Variants in KANSL1L observed in about 807,000 individuals in gnomAD.
KANSL1L encodes the protein KAT8 regulatory NSL complex subunit 1 like.
A neutral mutation model predicts 108.6 loss-of-function variants in KANSL1L; 25 were observed. That is an observed-to-expected ratio of 0.23 (90% confidence interval 0.17 to 0.32). The LOEUF is 0.32. Among genes scored for constraint, KANSL1L ranks in the 10% least tolerant of loss-of-function variants. KANSL1L has a pLI of 1.00. For synonymous variants in KANSL1L, 405 were observed against 395.1 expected (o/e 1.03, Z -0.30); for missense variants, 1,137 against 1,125.7 (o/e 1.01, Z -0.14).
In KANSL1L at chr2:210,154,555, C is replaced by A; in HGVS notation, c.28G>T (p.Ala10Ser). 6.5e-7 allele frequency: 1 copy of A among 1,543,346 alleles called. No homozygotes were observed. Among genetic ancestry groups the A allele is most frequent in the Non-Finnish European group, 8.7e-7 (1 of 1,144,928 alleles). Residue 10 changes from alanine to serine, a missense_variant, in exon 2 of 15, where the codon GCA becomes TCA. By Grantham distance (99) the Ala-to-Ser change is moderately conservative. This residue lies in a region of KANSL1L where 556 missense variants were observed against 537.7 expected (regional missense o/e 1.03). Coordinates refer to ENST00000281772, the MANE Select transcript of KANSL1L (RefSeq NM_152519.4). The stretch of plus-strand genomic sequence containing the variant: ...AAAGATGAAAAGCTGATACCCTTTG[C>A]TGTTGCCTCCCTCAGAGCTGGGGTC... MTPALREAT[A>S]KGISFSSLPS...
At chr2:210,157,399 A>G (rs1173981737) in intron 1 of KANSL1L, among the ~76,000 whole-genome samples, 2 of 152,156 alleles carry the variant, frequency 1.3e-5, no homozygotes, top group Non-Finnish European at 2.9e-5. Flanking sequence ...GCTAAATATA[A>G]CAAGTAGAGA....
rs1575337779 is a variant in KANSL1L at position 210,022,866 on chromosome 2, T to C, written c.*83A>G. On this transcript the variant is annotated 3_prime_UTR_variant, in exon 15 of 15. Transcript: ENST00000281772. ...ATACATGCAGAACATGCTCTTATTCTGGAGGGGATGGGGGATCCAGAACAG... is the reference window on the plus strand; with the variant it reads ...ATACATGCAGAACATGCTCTTATTCCGGAGGGGATGGGGGATCCAGAACAG... 4.5e-6 allele frequency: 4 copies of C among 889,300 alleles called. No individual in the cohort carries two copies. The highest frequency in any genetic ancestry group is 7.2e-6 in the Non-Finnish European group (4 of 553,252). The allele number at this position is 889,300 out of a possible 1,614,324, so 55.1% of individuals were successfully genotyped here.
At chr2:210,088,446 T>C (rs1559546670) in intron 5 of KANSL1L, 1 of 152,258 alleles carries the variant, frequency 6.6e-6, no homozygotes, top group Non-Finnish European at 1.5e-5. Flanking sequence ...GAATCCAAGA[T>C]TGAAAACAGA....
chr2:210,108,777 C>T (rs915523910), intron 3 of KANSL1L, among the ~76,000 whole-genome samples: 3 of 152,168 alleles, frequency 2.0e-5, no homozygotes, highest in African/African-American at 4.8e-5. Context: ...TCAGGAAACA[C>T]TTAGTGAATG....
At chr2:210,170,324 G>A (rs1027236394) in intron 1 of KANSL1L, 2 of 980,854 alleles carry the variant, frequency 2.0e-6, no homozygotes, top group Middle Eastern at 5.2e-4. Flanking sequence ...AATCAAAAAC[G>A]GAATGTGCTT....
intron 5 of KANSL1L, among the ~76,000 whole-genome samples, chr2:210,087,309 A>G (rs1176066130): frequency 2.0e-5 from 3 of 152,004 alleles, no homozygotes; most frequent in African/African-American, 7.3e-5. Context: ...ATGAGCCATC[A>G]TGCCTGGCCA....
intron 1 of KANSL1L, among the ~76,000 whole-genome samples, chr2:210,166,049 A>G (rs550369108): frequency 1.3e-5 from 2 of 152,316 alleles, no homozygotes; most frequent in African/African-American, 4.8e-5. Context: ...AGGGTTAAGT[A>G]CTGTCTGCGA....
At chr2:210,151,726 C>T (rs1414819519) in intron 2 of KANSL1L, 1 of 152,130 alleles carries the variant, frequency 6.6e-6, no homozygotes, top group Non-Finnish European at 1.5e-5. Context: ...AATGAGATAT[C>T]ATATGTTAAA....
At chr2:210,167,874 A>G (rs1218986903) in intron 1 of KANSL1L, among the ~76,000 whole-genome samples, 1 of 151,988 alleles carries the variant, frequency 6.6e-6, no homozygotes, top group Non-Finnish European at 1.5e-5. Context: ...GTTTAATAGT[A>G]CCGTTTTTAT....
chr2:210,097,199 CT>C, intron 5 of KANSL1L: 1 of 939,524 alleles, frequency 1.1e-6, no homozygotes, highest in Non-Finnish European at 1.3e-6. Flanking sequence ...CCCACCTCAG[CT>C]TTTTATTTTA....
chr2:210,116,292 T>C (rs895668320), intron 3 of KANSL1L, among the ~76,000 whole-genome samples: 2 of 152,094 alleles, frequency 1.3e-5, no homozygotes, highest in African/African-American at 4.8e-5. Flanking sequence ...AGTCCCAAGA[T>C]GGCATCTCTA....
intron 5 of KANSL1L, chr2:210,096,544 C>T: frequency 3.0e-6 from 3 of 984,236 alleles, no homozygotes; most frequent in African/African-American, 1.7e-5. Flanking sequence ...ATGTGTGTAA[C>T]TGTGTAGTAC....
At chr2:210,152,218 T>TAC (rs1274787154) in intron 2 of KANSL1L, 1 of 152,182 alleles carries the variant, frequency 6.6e-6, no homozygotes, top group Non-Finnish European at 1.5e-5. Flanking sequence ...ATGCTATATA[T>TAC]ACAAACAATA....
chr2:210,150,630 A>C (rs1462328017), intron 2 of KANSL1L, among the ~76,000 whole-genome samples: 1 of 151,902 alleles, frequency 6.6e-6, no homozygotes, highest in Non-Finnish European at 1.5e-5. Context: ...TAAAAATACA[A>C]AATTAGCTGG....
intron 8 of KANSL1L, chr2:210,032,705 C>T (rs192178872): frequency 1.8e-4 from 28 of 152,302 alleles, no homozygotes; most frequent in African/African-American, 6.7e-4. Flanking sequence ...TGTATAAATT[C>T]CCTTCCCATC....
At position 210,058,454 on chromosome 2, in the gene KANSL1L, T is replaced by C. The variant is rs531381427; in HGVS notation, c.1756-14350A>G. Among the ~76,000 whole-genome samples the C allele has an allele frequency of 5.3e-5, 8 of 152,260 alleles. No homozygotes were observed. The East Asian group carries it at 1.4e-3, about 26-fold the overall frequency. On this transcript the variant is annotated intron_variant, in intron 6 of 14. Coordinates refer to ENST00000281772, the MANE Select transcript of KANSL1L (RefSeq NM_152519.4). ...CCCTGCCTCCATTTGCCTTGTGATA[T>C]CTTATTAGCTTGTGAAGCATGTGAT... is the stretch of plus-strand genomic sequence containing the variant.
chr2:210,097,984 C>CA (rs2094754259), intron 5 of KANSL1L, 102 bp downstream of exon 5: 2 of 944,436 alleles, frequency 2.1e-6, no homozygotes, highest in Non-Finnish European at 3.0e-6. Flanking sequence ...CCCTAATGTA[C>CA]AAAAAAAGTA....
intron 7 of KANSL1L, among the ~76,000 whole-genome samples, chr2:210,042,988 C>T (rs958045091): frequency 1.3e-5 from 2 of 152,058 alleles, no homozygotes; most frequent in Admixed American, 1.3e-4. Flanking sequence ...GTTGAGATAT[C>T]CCCCAGTAAA....
chr2:210,144,130 C>T (rs2095249434), intron 2 of KANSL1L, among the ~76,000 whole-genome samples: 1 of 152,098 alleles, frequency 6.6e-6, no homozygotes, highest in Admixed American at 6.5e-5. Flanking sequence ...TTATTTTCAG[C>T]ACTTTGAATA....
Sources: gnomAD v4.1 joint callset for allele counts (sites outside exome capture counted in the v4.1 genomes callset) on GRCh38, gnomAD v4.1.1 for gene constraint, gnomAD v4.1.1 regional missense constraint, MANE v1.5 for transcripts, NCBI Gene and HGNC (gene_info 2026-07-23, HGNC 2026-07-21) for gene names.